The following RAB3IP variants were observed in gnomAD, a reference collection of about 807,000 sequenced individuals.
RAB3IP encodes the protein rab-3A-interacting protein.
A neutral mutation model predicts 59.1 loss-of-function variants in RAB3IP; 36 were observed. That is an observed-to-expected ratio of 0.61 (90% CI 0.47 to 0.80). The LOEUF is 0.80. RAB3IP is among the 30% of genes least tolerant of loss of function. RAB3IP has a pLI of 0.00. For synonymous variants in RAB3IP, 207 were observed against 191.2 expected, an observed-to-expected ratio of 1.08 and a Z score of -0.68; for missense variants, 511 against 536.0, an observed-to-expected ratio of 0.95 and a Z score of 0.46.
At chr12:69,805,987 G>C (rs1282987293) in intron 8 of RAB3IP, among the ~76,000 whole-genome samples, 1 of 152,102 alleles carries the variant, frequency 6.6e-6, no homozygotes, top group African/African-American at 2.4e-5. Flanking sequence ...GCCCGGCTTT[G>C]GTATCAGGAT....
chr12:69,750,543 GTTTT>G (rs11304094), intron 1 of RAB3IP, among the ~76,000 whole-genome samples: 2 of 116,336 alleles, frequency 1.7e-5, no homozygotes, highest in East Asian at 2.5e-4. Flanking sequence ...CCTCTACCTC[GTTTT>G]TTTTTTTTTT....
At chr12:69,803,143 A>G (rs1487191241) in intron 8 of RAB3IP, among the ~76,000 whole-genome samples, 1 of 152,210 alleles carries the variant, frequency 6.6e-6, no homozygotes, top group African/African-American at 2.4e-5. Flanking sequence ...ATATCATCAA[A>G]TGATAACAAA....
At chr12:69,779,642 A>G (rs557725611) in intron 3 of RAB3IP, among the ~76,000 whole-genome samples, 40 of 145,306 alleles carry the variant, frequency 2.8e-4, no homozygotes, top group Non-Finnish European at 5.4e-4. Flanking sequence ...TTGAAGCTCT[A>G]TTGCATTTTT....
chr12:69,784,655 A>G lies in RAB3IP; in HGVS notation c.511-65A>G. The G allele has an allele frequency of 6.0e-6, 5 of 831,708 alleles. No homozygotes were observed. In the Middle Eastern group the frequency reaches 9.5e-4, roughly 158 times the overall value. 51.5% of individuals were successfully genotyped at this position (831,708 alleles called of 1,614,324 possible). On this transcript the variant is annotated intron_variant, in intron 3 of 10. Coordinates refer to ENST00000247833, the MANE Select transcript of RAB3IP (RefSeq NM_022456.5). ...TTTTATAATTTTATTAGTAAAGATT[A>G]TATAGTCTGCTGAATCTAACTTCAA...
chr12:69,808,854 A>T (rs541399365), intron 8 of RAB3IP, among the ~76,000 whole-genome samples: 1 of 152,026 alleles, frequency 6.6e-6, no homozygotes, highest in Admixed American at 6.6e-5. Context: ...TCTTTATCCA[A>T]TTTGCCAGTC....
chr12:69,739,859 A>G, intron 1 of RAB3IP: 1 of 1,612,060 alleles, frequency 6.2e-7, no homozygotes, highest in Non-Finnish European at 8.5e-7. Flanking sequence ...GGGATTAAAA[A>G]AGATGAAAGG....
intron 7 of RAB3IP, among the ~76,000 whole-genome samples, chr12:69,800,708 A>G (rs1468144947): frequency 6.6e-6 from 1 of 152,186 alleles, no homozygotes; most frequent in African/African-American, 2.4e-5. Context: ...TAAAAATCTA[A>G]TTTTTTATCT....
intron 4 of RAB3IP, among the ~76,000 whole-genome samples, chr12:69,787,790 TATG>T (rs67262994): frequency 0.21 from 32,123 of 151,966 alleles, 4,085 homozygotes; most frequent in Middle Eastern, 0.35. Context: ...TTACCTCCAT[TATG>T]ATGAAGATAA....
At position 69,819,577 on chromosome 12, in the gene RAB3IP, G is replaced by C. The variant is rs541128192; in HGVS notation, c.*4131G>C. 6.4e-4 allele frequency: 97 copies of C among 152,434 alleles called. No individual in the cohort carries two copies. Among genetic ancestry groups the C allele is most frequent in the Non-Finnish European group, 1.2e-3 (82 of 68,236 alleles). 9.4% of individuals were successfully genotyped at this position (152,434 alleles called of 1,614,324 possible). A position where few individuals can be genotyped will look rare whatever the true frequency, so the allele number is the denominator to read the frequency against. ...AGCCCTGAGTTCCTGTGACAGAGAA[G>C]CAGCCTGCAAAGACGAAAGGAGGAG... On this transcript the variant is annotated 3_prime_UTR_variant, in exon 11 of 11. Transcript: ENST00000247833.
At chr12:69,764,760 AT>A (rs1232954208) in intron 3 of RAB3IP, among the ~76,000 whole-genome samples, 1 of 151,910 alleles carries the variant, frequency 6.6e-6, no homozygotes, top group East Asian at 1.9e-4. Flanking sequence ...AACAATGTTG[AT>A]TCTTCCAGTC....
At chr12:69,758,975 T>C (rs964705327) in intron 3 of RAB3IP, among the ~76,000 whole-genome samples, 3 of 132,248 alleles carry the variant, frequency 2.3e-5, no homozygotes, top group Non-Finnish European at 4.8e-5. Flanking sequence ...TCTTCCTCCT[T>C]CTGGTCACTT....
chr12:69,741,007 A>G (rs962799851), intron 1 of RAB3IP, among the ~76,000 whole-genome samples: 20 of 152,160 alleles, frequency 1.3e-4, no homozygotes, highest in Non-Finnish European at 4.4e-5. Flanking sequence ...GTTTGAGCTT[A>G]TTTTCTCCAT....
At chr12:69,761,155 A>C (rs1291730247) in intron 3 of RAB3IP, among the ~76,000 whole-genome samples, 3 of 151,476 alleles carry the variant, frequency 2.0e-5, no homozygotes, top group Non-Finnish European at 4.4e-5. Context: ...CAAAGTCACT[A>C]CTCTTTTCTT....
At chr12:69,744,825 A>G (rs980924813) in intron 1 of RAB3IP, among the ~76,000 whole-genome samples, 8 of 152,120 alleles carry the variant, frequency 5.3e-5, no homozygotes, top group Non-Finnish European at 1.2e-4. Flanking sequence ...TTACATTTGC[A>G]TTTATAAACA....
chr12:69,801,542 A>G, intron 7 of RAB3IP, 67 bp from the exon 8 acceptor site: 2 of 901,038 alleles, frequency 2.2e-6, no homozygotes, highest in South Asian at 1.9e-5. Flanking sequence ...AAATTCGTTT[A>G]CTGTAGAATA....
intron 4 of RAB3IP, among the ~76,000 whole-genome samples, chr12:69,792,219 C>G (rs1319451655): frequency 6.6e-6 from 1 of 152,066 alleles, no homozygotes; most frequent in Non-Finnish European, 1.5e-5. Flanking sequence ...TAGATAAATT[C>G]TGAAGACCCA....
At chr12:69,741,547 C>T (rs1565863635) in intron 1 of RAB3IP, among the ~76,000 whole-genome samples, 1 of 152,210 alleles carries the variant, frequency 6.6e-6, no homozygotes, top group African/African-American at 2.4e-5. Flanking sequence ...ATTGCTACTA[C>T]AGTTACTTTT....
chr12:69,742,311 G>A (rs1433640416), intron 1 of RAB3IP, among the ~76,000 whole-genome samples: 2 of 152,068 alleles, frequency 1.3e-5, no homozygotes, highest in African/African-American at 2.4e-5. Flanking sequence ...TGGTTACTAC[G>A]CATTTGATAT....
chr12:69,784,403 GA>G (rs1199163727), intron 3 of RAB3IP, among the ~76,000 whole-genome samples: 3 of 150,236 alleles, frequency 2.0e-5, no homozygotes, highest in African/African-American at 7.3e-5. Flanking sequence ...AAAGTTAAAG[GA>G]AAAAAAGAAG....
Sources: allele counts gnomAD v4.1 joint callset (sites outside exome capture counted in the v4.1 genomes callset), GRCh38; gene constraint gnomAD v4.1.1; transcripts MANE v1.5; gene names NCBI Gene and HGNC (gene_info 2026-07-23, HGNC 2026-07-21).